AP1M1: variants seen among roughly 807,000 people sequenced by gnomAD.
AP1M1 encodes the protein AP-1 complex subunit mu-1.
In AP1M1, 18 loss-of-function variants were observed where a neutral mutation model predicts 57.1. That is an observed-to-expected ratio of 0.32 (90% CI 0.22 to 0.47). AP1M1 has a LOEUF of 0.47. Among genes scored for constraint, AP1M1 ranks in the 20% least tolerant of loss-of-function variants. The probability of loss-of-function intolerance (pLI) is 1.00; values close to 1 mark genes in which losing one functional copy is unlikely to be tolerated. For missense variants in AP1M1, 362 were observed against 593.5 expected (o/e 0.61, Z 4.05); for synonymous variants, 241 against 237.9 (o/e 1.01, Z -0.12).
Position 16,243,432 on chromosome 19 carries a change from C to CTTTTTTTTTTT in AP1M1, c.*8998_*8999insTTTTTTTTTTT, listed in dbSNP as rs550578052. On this transcript the variant is annotated 3_prime_UTR_variant, in exon 12 of 12. Coordinates refer to ENST00000291439, the MANE Select transcript of AP1M1 (RefSeq NM_032493.4). ...TACAGGTGAGCACCACCAAGCTCAG[C>CTTTTTTTTTTT]TATTTTTTTTTTTTTTTTGTATTTT... 58 of 124,290 alleles carry CTTTTTTTTTTT rather than the reference C, an allele frequency of 4.7e-4. 2 individuals are homozygous for CTTTTTTTTTTT. The highest frequency in any genetic ancestry group is 6.7e-4 in the Non-Finnish European group (41 of 60,796). The allele number at this position is 124,290 out of a possible 1,614,324, so 7.7% of individuals were successfully genotyped here.
In AP1M1 at chr19:16,233,526, G is replaced by A. The variant is rs145833370; in HGVS notation, c.1081G>A (p.Gly361Ser). The A allele has an allele frequency of 6.7e-5, 108 of 1,605,482 alleles. No individual in the cohort carries two copies. The highest frequency in any genetic ancestry group is 2.7e-5 in the African/African-American group (2 of 74,882). ...GGAGTACCTGATGCGGGCCCACTTC[G>A]GCCTGCCTAGTGTGGAGGCCGAAGA... The part of the protein sequence containing the change: ...GKEYLMRAHF[G>S]LPSVEAEDKE... Residue 361 changes from glycine to serine, a missense_variant, in exon 10 of 12, where the codon GGC (glycine) becomes AGC (serine). Transcript: ENST00000291439.
Position 16,228,778 on chromosome 19 carries a change from C to G in AP1M1, c.897C>G (p.Ser299Arg). The G allele has an allele frequency of 1.2e-6, 2 of 1,613,942 alleles. No homozygotes were observed. The highest frequency in any genetic ancestry group is 1.7e-6 in the Non-Finnish European group (2 of 1,180,000). Residue 299 changes from serine (S) to arginine (R), a missense_variant, in exon 9 of 12, where the codon AGC becomes AGG. Ser to Arg is a moderately radical substitution (Grantham distance 110, BLOSUM62 -1). Transcript: ENST00000291439. This position sits in a 1 kb window ranked among gnomAD's most constrained non-coding sequence, Gnocchi z 5.0. ...ATTGGCCTGGCCTGCAGGCCAAAAG[C>G]CAGTTCAAGCGGCGGTCAACAGCCA... ...SRIEYMIKAK[S>R]QFKRRSTANN...
chr19:16,217,248 G>C (rs2091522819), intron 5 of AP1M1, among the ~76,000 whole-genome samples: 1 of 152,088 alleles, frequency 6.6e-6, no homozygotes, highest in Non-Finnish European at 1.5e-5. Context: ...GGGAGGGGTG[G>C]GGCTGGCGGG....
chr19:16,218,874 G>A (rs1269130356), intron 5 of AP1M1, among the ~76,000 whole-genome samples: 10 of 152,190 alleles, frequency 6.6e-5, no homozygotes, highest in Admixed American at 2.0e-4. Flanking sequence ...TTTGCTTTAC[G>A]TCTTCCCTCA....
rs765709694 is a variant in AP1M1, at chr19:16,228,677, C to A, written c.889-93C>A. 4 of 1,451,002 alleles carry A rather than the reference C, an allele frequency of 2.8e-6. No homozygotes were observed. Among genetic ancestry groups the A allele is most frequent in the East Asian group, 2.4e-5 (1 of 42,552 alleles). 89.9% of individuals were successfully genotyped at this position (1,451,002 alleles called of 1,614,324 possible). A position where few individuals can be genotyped will look rare whatever the true frequency, so the allele number is the denominator to read the frequency against. The stretch of plus-strand genomic sequence containing the variant: ...GGCCAGGGGCGGGGCTAGGGAGGAT[C>A]CCCCGGGCCAGGCTGAGGGGCATGT... On this transcript the variant is annotated intron_variant, in intron 8 of 11. Transcript: ENST00000291439. This position sits in a 1 kb window ranked among gnomAD's most constrained non-coding sequence, Gnocchi z 5.0.
In AP1M1 at chr19:16,208,166, G is replaced by GGGGCCTGGGGCC. The variant is rs781477036; in HGVS notation, c.398+18_398+29dup. 6.2e-7 allele frequency: 1 copy of GGGGCCTGGGGCC among 1,606,848 alleles called. No individual in the cohort carries two copies. Among genetic ancestry groups the GGGGCCTGGGGCC allele is most frequent in the Non-Finnish European group, 8.5e-7 (1 of 1,176,396 alleles). ...CCTGCAGGAGTGAGTGGGCAGGGGT[G>GGGGCCTGGGGCC]GGGCCTGGGGCCAGGCCTGGGCGGT... On this transcript the variant is annotated intron_variant, in intron 4 of 11. Transcript: ENST00000291439.
chr19:16,239,871 G>A lies in AP1M1; in HGVS notation c.*5436G>A, dbSNP rs1028837710. The A allele has an allele frequency of 2.6e-5, 4 of 152,084 alleles. No homozygotes were observed. The highest frequency in any genetic ancestry group is 9.7e-5 in the African/African-American group (4 of 41,402). 9.4% of individuals were successfully genotyped at this position (152,084 alleles called of 1,614,324 possible). ...AGAATTAGTGCACTAGAAGAGAGCT[G>A]TCTGAGGCAGTTACCCGGGACATAG... On this transcript the variant is annotated 3_prime_UTR_variant, in exon 12 of 12. Coordinates refer to ENST00000291439, the MANE Select transcript of AP1M1 (RefSeq NM_032493.4).
rs1265775535 is a variant in AP1M1, at chr19:16,244,031, C to T, written c.*9596C>T. The T allele has an allele frequency of 2.0e-5, 3 of 152,152 alleles. No individual in the cohort carries two copies. Among genetic ancestry groups the T allele is most frequent in the African/African-American group, 7.2e-5 (3 of 41,446 alleles). 9.4% of individuals were successfully genotyped at this position (152,152 alleles called of 1,614,324 possible). The stretch of plus-strand genomic sequence containing the variant: ...ATCCATCAAGCATTGATGATTTGCA[C>T]ACTCTTTTGTGTATATGTTACACTT... On this transcript the variant is annotated 3_prime_UTR_variant, in exon 12 of 12. Coordinates refer to ENST00000291439, the MANE Select transcript of AP1M1 (RefSeq NM_032493.4).
At chr19:16,219,389 TG>T (rs138316298) in intron 5 of AP1M1, among the ~76,000 whole-genome samples, 12 of 78,390 alleles carry the variant, frequency 1.5e-4, no homozygotes, top group East Asian at 1.1e-3. Context: ...AATTCATTTT[TG>T]TTTTTTTGTT....
At chr19:16,198,217 C>A in intron 1 of AP1M1, 149 bp downstream of exon 1, 1 of 751,398 alleles carries the variant, frequency 1.3e-6, no homozygotes, top group Non-Finnish European at 2.0e-6. Flanking sequence ...AGAGCCCCAT[C>A]CTGTTTCTGG....
In AP1M1 at chr19:16,198,007, C is replaced by T; in HGVS notation, c.-20C>T. The T allele has an allele frequency of 6.3e-7, 1 of 1,575,038 alleles. No individual in the cohort carries two copies. Among genetic ancestry groups the T allele is most frequent in the Non-Finnish European group, 8.6e-7 (1 of 1,165,436 alleles). On this transcript the variant is annotated 5_prime_UTR_variant, in exon 1 of 12. Transcript: ENST00000291439. ...CGCCGCCACCGCCCTCGGCCGCTGC[C>T]GAGGCCTCCTGCAGCCATCATGTCC...
chr19:16,222,199 A>T (rs1413952569), intron 5 of AP1M1, among the ~76,000 whole-genome samples: 47 of 130,198 alleles, frequency 3.6e-4, no homozygotes, highest in East Asian at 2.0e-3. Context: ...TATTATTACT[A>T]TTATTATTAT....
Position 16,203,655 on chromosome 19 carries a change from T to A in AP1M1, c.199+40T>A. 1 of 1,563,910 alleles carries A rather than the reference T, an allele frequency of 6.4e-7. No individual in the cohort carries two copies. Among genetic ancestry groups the A allele is most frequent in the Middle Eastern group, 1.7e-4 (1 of 5,802 alleles). ...GGGGTGCTCCCAGGGGACTCCTGTGTGGGTGTTGGTGTGTGTGCATATCCA... is the reference window on the plus strand; with the variant it reads ...GGGGTGCTCCCAGGGGACTCCTGTGAGGGTGTTGGTGTGTGTGCATATCCA... On this transcript the variant is annotated intron_variant, in intron 2 of 11. Transcript: ENST00000291439. The surrounding 1 kb of genome is among the most constrained non-coding windows in gnomAD (Gnocchi z 4.6).
chr19:16,214,367 T>TTG (rs1343112562), intron 5 of AP1M1, among the ~76,000 whole-genome samples: 1 of 133,742 alleles, frequency 7.5e-6, no homozygotes, highest in Admixed American at 7.5e-5. Flanking sequence ...TTTTTTTTTT[T>TTG]TTGAGATGGA....
At chr19:16,217,948 T>G (rs185483795) in intron 5 of AP1M1, among the ~76,000 whole-genome samples, 1 of 152,230 alleles carries the variant, frequency 6.6e-6, no homozygotes, top group East Asian at 1.9e-4. Flanking sequence ...CGCCTCCCCA[T>G]AAGACCCACC....
intron 10 of AP1M1, 181 bp from the exon 11 acceptor site, chr19:16,234,018 G>C: frequency 1.6e-6 from 1 of 622,928 alleles, no homozygotes. Context: ...TCCAGAGGCG[G>C]CTCTGCCCTC....
At chr19:16,211,749 CA>C (rs959130072) in intron 5 of AP1M1, among the ~76,000 whole-genome samples, 2 of 147,380 alleles carry the variant, frequency 1.4e-5, no homozygotes, top group East Asian at 2.0e-4. Flanking sequence ...GACCCTGTTT[CA>C]AAAAAAAACA....
intron 9 of AP1M1, among the ~76,000 whole-genome samples, chr19:16,232,658 T>C (rs1229988010): frequency 6.6e-6 from 1 of 152,202 alleles, no homozygotes; most frequent in Admixed American, 6.5e-5. Context: ...GATGAACCAC[T>C]CGGCCCTGCC....
chr19:16,205,076 GC>G (rs1391650433), intron 2 of AP1M1, among the ~76,000 whole-genome samples: 1 of 151,886 alleles, frequency 6.6e-6, no homozygotes, highest in African/African-American at 2.4e-5. Context: ...CTCGTGATCC[GC>G]CCGCCTCAGC....
Sources: gnomAD v4.1 joint callset for allele counts (sites outside exome capture counted in the v4.1 genomes callset) on GRCh38, gnomAD v4.1.1 for gene constraint, Gnocchi (gnomAD v3.1) non-coding constraint, MANE v1.5 for transcripts, NCBI Gene and HGNC (gene_info 2026-07-23, HGNC 2026-07-21) for gene names.